The following LUZP2 variants were observed in gnomAD, a reference collection of about 807,000 sequenced individuals.
LUZP2 encodes leucine zipper protein 2.
LUZP2 carries 52 observed loss-of-function variants against 51.6 expected under a neutral mutation model. That is an observed-to-expected ratio of 1.01 (90% CI 0.81 to 1.27). LUZP2 has a LOEUF of 1.27. Among genes scored for constraint, LUZP2 ranks in the 50% most tolerant of loss-of-function variants. The probability of loss-of-function intolerance (pLI) is 0.00; values close to 1 mark genes in which losing one functional copy is unlikely to be tolerated. For missense variants in LUZP2, 436 were observed against 395.4 expected (o/e 1.10, Z -0.87); for synonymous variants, 154 against 137.3 (o/e 1.12, Z -0.85).
chr11:24,604,393 C>T (rs1338584162), intron 1 of LUZP2, among the ~76,000 whole-genome samples: 3 of 151,790 alleles, frequency 2.0e-5, no homozygotes, highest in Non-Finnish European at 4.4e-5. Context: ...CAGAGTCATT[C>T]TTTCTACTCC....
At position 24,655,529 on chromosome 11, in the gene LUZP2, G is replaced by A. The variant is rs1051687578; in HGVS notation, c.63-73640G>A. On this transcript the variant is annotated intron_variant, in intron 1 of 11. Transcript: ENST00000336930. ...TCTTTAGATTGTAGGTACTTAAGAG[G>A]GTAGTATAAAAGGTAATAACATGAA... Among the ~76,000 whole-genome samples the A allele has an allele frequency of 2.0e-5, 3 of 151,876 alleles. No individual in the cohort carries two copies. In the East Asian group the frequency reaches 5.8e-4, roughly 29 times the overall value.
chr11:24,885,809 T>A (rs1173743009), intron 5 of LUZP2, among the ~76,000 whole-genome samples: 1 of 152,166 alleles, frequency 6.6e-6, no homozygotes, highest in South Asian at 2.1e-4. Flanking sequence ...CACTAGATAT[T>A]TGAGCTGATT....
At chr11:24,635,419 A>G (rs2133934742) in intron 1 of LUZP2, among the ~76,000 whole-genome samples, 1 of 20,872 alleles carries the variant, frequency 4.8e-5, no homozygotes, top group East Asian at 2.2e-3. Flanking sequence ...AAATCAGAAA[A>G]GAGTGTGTGT....
chr11:24,967,313 G>A lies in LUZP2; in HGVS notation c.523-9278G>A, dbSNP rs578211405. On this transcript the variant is annotated intron_variant, in intron 7 of 11. Transcript: ENST00000336930. ...AGACATTATAAGAATATTAAATCTC[G>A]TGTTCAACAGCAAAAATATTTTAAT... Among the ~76,000 whole-genome samples the A allele has an allele frequency of 1.6e-4, 24 of 151,794 alleles. No individual in the cohort carries two copies. The East Asian group carries it at 2.1e-3, about 13-fold the overall frequency.
chr11:24,497,638 T>C (rs1044939913), intron 1 of LUZP2, among the ~76,000 whole-genome samples: 1 of 152,098 alleles, frequency 6.6e-6, no homozygotes, highest in African/African-American at 2.4e-5. Flanking sequence ...AGAACGGAAA[T>C]AGGCAAGGAG....
Position 24,537,933 on chromosome 11 carries a change from A to C in LUZP2, c.62+40628A>C, listed in dbSNP as rs1298896274. 2.0e-5 allele frequency among the ~76,000 whole-genome samples: 3 copies of C among 151,920 alleles called. No individual in the cohort carries two copies. In the East Asian group the frequency reaches 5.8e-4, roughly 29 times the overall value. ...TAGGCTAAGCTTTGTTAGCTGGCAG[A>C]GACACAGTATTGAGCTATTTGTGTT... On this transcript the variant is annotated intron_variant, in intron 1 of 11. Transcript: ENST00000336930.
chr11:24,702,414 G>C (rs927270072), intron 1 of LUZP2, among the ~76,000 whole-genome samples: 3 of 152,176 alleles, frequency 2.0e-5, no homozygotes, highest in African/African-American at 7.2e-5. Context: ...AAAAAGAAAA[G>C]AGGTTTGATT....
In LUZP2 at chr11:24,878,098, G is replaced by GTT. The variant is rs1491432423; in HGVS notation, c.397-27892_397-27891insTT. ...GATAGTTACGGTGTTGTAATATTCT[G>GTT]TGTTTTTTTTTTTTTTTTTGGTGAA... On this transcript the variant is annotated intron_variant, in intron 5 of 11. Coordinates refer to ENST00000336930, the MANE Select transcript of LUZP2 (RefSeq NM_001009909.4). Among the ~76,000 whole-genome samples the GTT allele has an allele frequency of 7.0e-4, 13 of 18,540 alleles. 1 individual carries two copies. The highest frequency in any genetic ancestry group is 9.1e-4 in the Non-Finnish European group (7 of 7,660). 12.2% of individuals were successfully genotyped at this position (18,540 alleles called of 152,430 possible).
At chr11:24,758,321 T>TTG (rs1565121247) in intron 4 of LUZP2, among the ~76,000 whole-genome samples, 1 of 146,154 alleles carries the variant, frequency 6.8e-6, no homozygotes, top group Non-Finnish European at 1.5e-5. Context: ...TGGGAATGAC[T>TTG]TGCGTGTGTG....
intron 10 of LUZP2, among the ~76,000 whole-genome samples, chr11:25,074,255 G>A (rs1859238559): frequency 6.6e-6 from 1 of 152,090 alleles, no homozygotes; most frequent in South Asian, 2.1e-4. Context: ...TTTAGTAAAA[G>A]GCTTTATTAA....
At chr11:24,712,165 A>G (rs1053763628) in intron 1 of LUZP2, among the ~76,000 whole-genome samples, 1 of 152,178 alleles carries the variant, frequency 6.6e-6, no homozygotes, top group Non-Finnish European at 1.5e-5. Context: ...TCACACCTGG[A>G]ATCCCAGCAC....
chr11:25,058,587 T>A (rs1474564127), intron 10 of LUZP2, among the ~76,000 whole-genome samples: 2 of 152,208 alleles, frequency 1.3e-5, no homozygotes, highest in Admixed American at 6.5e-5. Flanking sequence ...TGTATTTTGA[T>A]TATTTGTATA....
intron 5 of LUZP2, among the ~76,000 whole-genome samples, chr11:24,791,792 T>A (rs557836341): frequency 2.6e-5 from 4 of 152,284 alleles, no homozygotes; most frequent in Admixed American, 2.0e-4. Flanking sequence ...GACCTGTTAT[T>A]TACAGAGTTT....
chr11:24,993,596 T>C (rs1221512643), intron 9 of LUZP2, among the ~76,000 whole-genome samples: 1 of 152,180 alleles, frequency 6.6e-6, no homozygotes, highest in Non-Finnish European at 1.5e-5. Context: ...CCCTTTACCA[T>C]TATGCGATGC....
chr11:25,080,393 A>G lies in LUZP2; in HGVS notation c.*1735A>G, dbSNP rs1167392595. Reference sequence around the variant, plus strand: ...ATCTGAAATGCATTTCAGACTTACAATGTTTTCAACCTTTGACTTCTTTAT... The same window carrying G: ...ATCTGAAATGCATTTCAGACTTACAGTGTTTTCAACCTTTGACTTCTTTAT... On this transcript the variant is annotated 3_prime_UTR_variant, in exon 12 of 12. Transcript: ENST00000336930. 2.0e-5 allele frequency: 3 copies of G among 152,142 alleles called. No homozygotes were observed. Among genetic ancestry groups the G allele is most frequent in the Admixed American group, 6.6e-5 (1 of 15,262 alleles). The allele number at this position is 152,142 out of a possible 1,614,324, so 9.4% of individuals were successfully genotyped here.
At chr11:24,915,123 A>G (rs1029256863) in intron 7 of LUZP2, among the ~76,000 whole-genome samples, 7 of 152,136 alleles carry the variant, frequency 4.6e-5, no homozygotes, top group African/African-American at 1.7e-4. Flanking sequence ...CTGAATACAA[A>G]GAGACTATGA....
intron 7 of LUZP2, among the ~76,000 whole-genome samples, chr11:24,937,040 A>C (rs552545075): frequency 3.1e-4 from 39 of 126,958 alleles, no homozygotes; most frequent in Admixed American, 8.2e-4. Flanking sequence ...TGCCTCCTGC[A>C]ATGAGAAACA....
chr11:24,979,750 A>C (rs1361533362), intron 8 of LUZP2, among the ~76,000 whole-genome samples: 5 of 151,698 alleles, frequency 3.3e-5, no homozygotes, highest in African/African-American at 1.2e-4. Context: ...AAATCTCTCA[A>C]ACTTTTACAC....
chr11:24,620,566 A>T (rs965773840), intron 1 of LUZP2, among the ~76,000 whole-genome samples: 4 of 152,212 alleles, frequency 2.6e-5, no homozygotes, highest in African/African-American at 9.7e-5. Flanking sequence ...ATACTGCAAA[A>T]GTGCTTGGAA....
Sources: allele counts gnomAD v4.1 joint callset (sites outside exome capture counted in the v4.1 genomes callset), GRCh38; gene constraint gnomAD v4.1.1; transcripts MANE v1.5; gene names NCBI Gene and HGNC (gene_info 2026-07-23, HGNC 2026-07-21).